The following NT5DC2 variants were observed in gnomAD, a reference collection of about 807,000 sequenced individuals.
The protein encoded by NT5DC2 is 5'-nucleotidase domain containing 2, also known as 5'-nucleotidase domain-containing protein 2.
Under a neutral mutation model 70.0 loss-of-function variants are expected in NT5DC2, and 41 were observed. The observed-to-expected ratio is 0.59, with a 90% CI of 0.46 to 0.76. NT5DC2 has a LOEUF of 0.76. Ranked by LOEUF, NT5DC2 falls within the 30% of genes least tolerant of loss-of-function variation. The pLI is 0.00. For synonymous variants in NT5DC2, 299 were observed against 310.4 expected (o/e 0.96, Z 0.39); for missense variants, 705 against 783.2 (o/e 0.90, Z 1.19).
chr3:52,528,255 C>T lies in NT5DC2; in HGVS notation c.699G>A (p.Leu233=). ...CCAGAAAGTAGTCCACCACACAGGA[C>T]AGCAGAGCCATCTCCGGTAGCGAGA... The part of the protein sequence containing the change: ...DIFSLPEMAL[L]SCVVDYFLGH... Residue 233 remains leucine, a synonymous_variant, in exon 6 of 14, where the codon CTG becomes CTA. Transcript: ENST00000422318. 1 of 1,613,446 alleles carries T rather than the reference C, an allele frequency of 6.2e-7. No individual in the cohort carries two copies.
rs2079330506 is a variant in NT5DC2 at position 52,529,428 on chromosome 3, A to G, written c.233-94T>C. The stretch of plus-strand genomic sequence containing the variant: ...CACTCTGTGGGGACCTAGCCCTGTG[A>G]GCCTCAGAAACGCCCCACAATGGCA... On this transcript the variant is annotated intron_variant, in intron 1 of 13. Transcript: ENST00000422318. This position sits in a 1 kb window ranked among gnomAD's most constrained non-coding sequence, Gnocchi z 4.1. The G allele has an allele frequency of 1.6e-6, 2 of 1,232,096 alleles. No individual in the cohort carries two copies. The highest frequency in any genetic ancestry group is 3.0e-5 in the African/African-American group (2 of 66,898). The allele number at this position is 1,232,096 out of a possible 1,614,324, so 76.3% of individuals were successfully genotyped here.
chr3:52,525,144 C>A (rs1393180933), intron 11 of NT5DC2, 41 bp from the exon 12 acceptor site: 1 of 275,726 alleles, frequency 3.6e-6, no homozygotes. Context: ...GCGCCAGTTG[C>A]TGGGGGCGGG....
At chr3:52,528,593 G>C in intron 4 of NT5DC2, 44 bp downstream of exon 4, 1 of 1,580,552 alleles carries the variant, frequency 6.3e-7, no homozygotes, top group Non-Finnish European at 8.7e-7. Flanking sequence ...CAGAACAGCA[G>C]TGTAGGGTGG....
Position 52,524,878 on chromosome 3 carries a change from A to G in NT5DC2, c.1351T>C (p.Tyr451His), listed in dbSNP as rs202055804. Reference protein sequence around the residue: ...LTGLLERMQTYQDAESRQVLA... With the variant: ...LTGLLERMQTHQDAESRQVLA... ...ACCTGCCTCGACTCCGCGTCCTGAT[A>G]GGTCTGGGGACACAAAGTGTGCATT... The change falls in exon 13 of 14, where the codon TAT becomes CAT. Residue 451 changes from tyrosine to histidine, a missense_variant. Transcript: ENST00000422318. 273 of 1,612,244 alleles carry G rather than the reference A, an allele frequency of 1.7e-4. No homozygotes were observed. The highest frequency in any genetic ancestry group is 1.9e-4 in the Non-Finnish European group (219 of 1,179,686).
At chr3:52,528,786 G>A (rs2079319007) in intron 3 of NT5DC2, 75 bp downstream of exon 3, 2 of 1,599,432 alleles carry the variant, frequency 1.3e-6, no homozygotes, top group Non-Finnish European at 1.7e-6. Context: ...AACCCCAGCT[G>A]GATGGGACGG....
rs182272235 is a variant in NT5DC2 at position 52,530,573 on chromosome 3, G to T, written c.233-1239C>A. On this transcript the variant is annotated intron_variant, in intron 1 of 13. Transcript: ENST00000422318. ...GGGTACAAAAAATTGTACCAAGTGG[G>T]GCATGGTGGCACACACCTACAGTCC... Among the ~76,000 whole-genome samples, 55 of 152,280 alleles carry T rather than the reference G, an allele frequency of 3.6e-4. 2 individuals carry two copies. In the East Asian group the frequency reaches 8.9e-3, roughly 25 times the overall value.
At position 52,533,732 on chromosome 3, in the gene NT5DC2, C is replaced by G. The variant is rs1259643287; in HGVS notation, c.6G>C (p.Ala2=). 1 of 982,626 alleles carries G rather than the reference C, an allele frequency of 1.0e-6. No individual in the cohort carries two copies. Among genetic ancestry groups the G allele is most frequent in the African/African-American group, 1.8e-5 (1 of 56,534 alleles). The allele number at this position is 982,626 out of a possible 1,614,324, so 60.9% of individuals were successfully genotyped here. M[A]GAGLRAAARR... is the part of the protein sequence containing the mutation. ...GAGCGGCCGCCCGCAGCCCCGCACC[C>G]GCCATGCCCACCGCGCGCCGCCCGC... is the stretch of plus-strand genomic sequence containing the variant. The change falls in exon 1 of 14, where the codon GCG becomes GCC. Residue 2 remains alanine (A), a synonymous_variant. Transcript: ENST00000422318.
At position 52,524,957 on chromosome 3, in the gene NT5DC2, C is replaced by T. The variant is rs748451641; in HGVS notation, c.1347+6G>A. ...CTGGCCCTCCCACAGCCACCCCGGC[C>T]CACACCTGCATGCGCTCCAGCAGCC... is the stretch of plus-strand genomic sequence containing the variant. On this transcript the variant is annotated splice_donor_region_variant and intron_variant, in intron 12 of 13. Coordinates refer to ENST00000422318, the MANE Select transcript of NT5DC2 (RefSeq NM_001134231.2). 1.9e-6 allele frequency: 3 copies of T among 1,612,074 alleles called. No individual in the cohort carries two copies. Among genetic ancestry groups the T allele is most frequent in the Non-Finnish European group, 2.5e-6 (3 of 1,179,776 alleles).
chr3:52,525,161 G>A (rs1559735223), intron 11 of NT5DC2, 48 bp downstream of exon 11: 4 of 1,150,250 alleles, frequency 3.5e-6, no homozygotes, highest in East Asian at 2.8e-5. Flanking sequence ...CGGGGGGGGG[G>A]GGGTTTCCTG....
At chr3:52,534,667 ATCCGTAT>A, upstream of NT5DC2, 1 of 1,604,138 alleles carries the variant, frequency 6.2e-7, no homozygotes, top group Non-Finnish European at 8.5e-7. Flanking sequence ...TTCTGCTCAG[ATCCGTAT>A]TCCGAGCCCG....
At chr3:52,530,668 T>C (rs775517847) in intron 1 of NT5DC2, among the ~76,000 whole-genome samples, 3 of 152,090 alleles carry the variant, frequency 2.0e-5, no homozygotes, top group Non-Finnish European at 2.9e-5. Flanking sequence ...CTAAGCCATA[T>C]AGCGATACCC....
At chr3:52,528,605 G>A in intron 4 of NT5DC2, 32 bp downstream of exon 4, 1 of 1,567,574 alleles carries the variant, frequency 6.4e-7, no homozygotes, top group Non-Finnish European at 8.7e-7. Flanking sequence ...GTAGGGTGGG[G>A]CGGGGGTGGG....
chr3:52,526,735 C>T lies in NT5DC2; in HGVS notation c.1119+559G>A, dbSNP rs1275365167. On this transcript the variant is annotated intron_variant, in intron 10 of 13. Coordinates refer to ENST00000422318, the MANE Select transcript of NT5DC2 (RefSeq NM_001134231.2). ...AGTGCAGTGGTGTGATCACAGCTCA[C>T]CACAGCCTCGAACTCCTGGGCTCAA... Among the ~76,000 whole-genome samples, 6 of 152,238 alleles carry T rather than the reference C, an allele frequency of 3.9e-5. No individual in the cohort carries two copies. In the East Asian group the frequency reaches 1.2e-3, roughly 29 times the overall value.
chr3:52,527,705 G>A lies in NT5DC2; in HGVS notation c.949C>T (p.Arg317Trp), dbSNP rs749403106. 1.2e-5 allele frequency: 19 copies of A among 1,613,084 alleles called. No individual in the cohort carries two copies. The highest frequency in any genetic ancestry group is 5.0e-5 in the Admixed American group (3 of 59,998). The stretch of plus-strand genomic sequence containing the variant: ...CGCCAATCGGGACCCACCATGTGCC[G>A]CATCCCCTTGTCTCTGTGTGGAGGA... ...SPFSFVDKGM[R>W]HMVGPDWRQL... is the part of the protein sequence containing the mutation. The change falls in exon 9 of 14, where the codon CGG becomes TGG. Residue 317 changes from arginine (R) to tryptophan (W), a missense_variant. By Grantham distance (101) the Arg-to-Trp change is moderately radical. Transcript: ENST00000422318.
At chr3:52,533,998 G>T, upstream of NT5DC2, 1 of 286,610 alleles carries the variant, frequency 3.5e-6, no homozygotes, top group Non-Finnish European at 5.3e-6. Context: ...CGCGGTCCGG[G>T]AGGACTCTGC....
At chr3:52,534,506 C>T, upstream of NT5DC2, 1 of 1,612,746 alleles carries the variant, frequency 6.2e-7, no homozygotes, top group South Asian at 1.1e-5. Context: ...CCGCTTGGTT[C>T]GGACCTCGGC....
At chr3:52,534,397 C>A, upstream of NT5DC2, 1 of 1,444,288 alleles carries the variant, frequency 6.9e-7, no homozygotes. Context: ...GGTGCCAGGC[C>A]CACGCTGGGG....
chr3:52,527,287 C>T lies in NT5DC2; in HGVS notation c.1119+7G>A. 1 of 1,613,794 alleles carries T rather than the reference C, an allele frequency of 6.2e-7. No homozygotes were observed. The highest frequency in any genetic ancestry group is 8.5e-7 in the Non-Finnish European group (1 of 1,179,818). ...ACCACATGCTGCTCTCCCCAGATGG[C>T]CCTTACCTGCCGATAGATCTTGCCC... On this transcript the variant is annotated splice_region_variant and intron_variant, in intron 10 of 13. Coordinates refer to ENST00000422318, the MANE Select transcript of NT5DC2 (RefSeq NM_001134231.2).
At chr3:52,532,960 A>G (rs971997984) in intron 1 of NT5DC2, among the ~76,000 whole-genome samples, 1 of 152,108 alleles carries the variant, frequency 6.6e-6, no homozygotes, top group African/African-American at 2.4e-5. Context: ...TCTGGGCTCC[A>G]GGGGGCGGGG....
Sources: allele counts gnomAD v4.1 joint callset (sites outside exome capture counted in the v4.1 genomes callset), GRCh38; gene constraint gnomAD v4.1.1; non-coding constraint Gnocchi (gnomAD v3.1); transcripts MANE v1.5; gene names NCBI Gene and HGNC (gene_info 2026-07-23, HGNC 2026-07-21).